The following PREX1 variants were observed in gnomAD, a reference collection of about 807,000 sequenced individuals.
PREX1 encodes phosphatidylinositol 3,4,5-trisphosphate-dependent Rac exchanger 1 protein.
PREX1 carries 41 observed loss-of-function variants against 198.3 expected under a neutral mutation model. The observed-to-expected ratio is 0.21, with a 90% CI of 0.16 to 0.27. The LOEUF is 0.27. Among genes scored for constraint, PREX1 ranks in the 10% least tolerant of loss-of-function variants. The pLI, the probability that PREX1 is intolerant of heterozygous loss-of-function variation, is 1.00. For missense variants in PREX1, 1,620 were observed against 2,200.7 expected, an observed-to-expected ratio of 0.74 and a Z score of 5.28; for synonymous variants, 843 against 887.2, an observed-to-expected ratio of 0.95 and a Z score of 0.89.
chr20:48,811,520 T>A lies in PREX1; in HGVS notation c.219+16122A>T, dbSNP rs867844062. Among the ~76,000 whole-genome samples the A allele has an allele frequency of 5.4e-3, 806 of 150,258 alleles. 4 individuals carry two copies. The highest frequency in any genetic ancestry group is 0.019 in the African/African-American group (781 of 40,524). ...TACGATCAATGACTTCTGACCAGAG[T>A]TGGATACACACACACACACACGTGT... On this transcript the variant is annotated intron_variant, in intron 1 of 39. Transcript: ENST00000371941.
At chr20:48,701,737 G>A (rs1224647354) in intron 6 of PREX1, among the ~76,000 whole-genome samples, 1 of 152,124 alleles carries the variant, frequency 6.6e-6, no homozygotes, top group Non-Finnish European at 1.5e-5. Flanking sequence ...AGGATCCTGT[G>A]GGCATTTCAT....
chr20:48,713,082 G>A (rs773238447), intron 5 of PREX1, among the ~76,000 whole-genome samples: 3 of 151,222 alleles, frequency 2.0e-5, no homozygotes, highest in Non-Finnish European at 2.9e-5. Flanking sequence ...CAAAGGTTGC[G>A]GTGAGCCAAG....
At chr20:48,647,621 G>T (rs1008222451) in intron 25 of PREX1, among the ~76,000 whole-genome samples, 3 of 151,648 alleles carry the variant, frequency 2.0e-5, no homozygotes, top group Admixed American at 2.0e-4. Flanking sequence ...TCCACAGTCA[G>T]TAGCATGATT....
At chr20:48,805,151 C>T (rs893921679) in intron 1 of PREX1, among the ~76,000 whole-genome samples, 3 of 152,168 alleles carry the variant, frequency 2.0e-5, no homozygotes, top group Non-Finnish European at 4.4e-5. Context: ...GGCTATGTGC[C>T]GGGGAGAAGA....
intron 7 of PREX1, among the ~76,000 whole-genome samples, chr20:48,695,648 A>C (rs1341890123): frequency 6.6e-6 from 1 of 152,220 alleles, no homozygotes; most frequent in African/African-American, 2.4e-5. Context: ...TTTAATTTGT[A>C]GTTCCCTGAT....
chr20:48,844,139 CA>C, the PREX1 span, among the ~76,000 whole-genome samples: 3 of 150,962 alleles, frequency 2.0e-5, no homozygotes, highest in African/African-American at 7.3e-5. Context: ...GACCCTGTCT[CA>C]AAAAAAAATC....
chr20:48,732,461 C>T (rs1198880275), intron 4 of PREX1, among the ~76,000 whole-genome samples: 2 of 152,130 alleles, frequency 1.3e-5, no homozygotes, highest in African/African-American at 4.8e-5. Flanking sequence ...CTTTTATATA[C>T]TGAATTCGGT....
At chr20:48,637,690 A>T in intron 31 of PREX1, 21 bp downstream of exon 31, 1 of 1,602,142 alleles carries the variant, frequency 6.2e-7, no homozygotes, top group Non-Finnish European at 8.5e-7. Flanking sequence ...TGTGCCCCCC[A>T]CACACCTTTA....
the PREX1 span, among the ~76,000 whole-genome samples, chr20:48,854,648 T>C: frequency 6.6e-6 from 1 of 152,156 alleles, no homozygotes; most frequent in Admixed American, 6.6e-5. Flanking sequence ...ATTAAACTCA[T>C]TGAATCTCCA....
In PREX1 at chr20:48,629,630, G is replaced by A. The variant is rs561745489; in HGVS notation, c.4594-9C>T. 2.5e-6 allele frequency: 4 copies of A among 1,613,130 alleles called. No individual in the cohort carries two copies. The East Asian group carries it at 8.9e-5, about 36-fold the overall frequency. On this transcript the variant is annotated splice_polypyrimidine_tract_variant and intron_variant, in intron 36 of 39. Coordinates refer to ENST00000371941, the MANE Select transcript of PREX1 (RefSeq NM_020820.4). ...TTGATGGGGCGGATCAGCTGTAGGG[G>A]GTACCACACATAACCGGGGAGTTGG...
rs571470504 is a variant in PREX1 at position 48,802,172 on chromosome 20, G to A, written c.219+25470C>T. ...CCGCCAAACCATCTACTTTCTTCAC[G>A]GTAGCCAGGTAGCCAGAGGGGTTCT... On this transcript the variant is annotated intron_variant, in intron 1 of 39. Transcript: ENST00000371941. Among the ~76,000 whole-genome samples the A allele has an allele frequency of 6.7e-5, 10 of 149,150 alleles. No homozygotes were observed. The South Asian group carries it at 8.5e-4, about 13-fold the overall frequency.
chr20:48,776,158 T>C (rs2090260292), intron 1 of PREX1, among the ~76,000 whole-genome samples: 1 of 152,022 alleles, frequency 6.6e-6, no homozygotes, highest in African/African-American at 2.4e-5. Flanking sequence ...TGAGGCTTAT[T>C]TTCCCCCTCT....
intron 33 of PREX1, 141 bp downstream of exon 33, chr20:48,634,535 T>C: frequency 1.5e-6 from 1 of 663,022 alleles, no homozygotes; most frequent in Middle Eastern, 4.3e-4. Context: ...GTTGGAGGCA[T>C]GAGGTTTGAC....
intron 1 of PREX1, among the ~76,000 whole-genome samples, chr20:48,807,337 C>T (rs2090416304): frequency 6.6e-6 from 1 of 152,048 alleles, no homozygotes; most frequent in Non-Finnish European, 1.5e-5. Context: ...TGGGGTCCTG[C>T]TCTACATTTC....
At chr20:48,783,571 G>A (rs1412031620) in intron 1 of PREX1, among the ~76,000 whole-genome samples, 1 of 152,096 alleles carries the variant, frequency 6.6e-6, no homozygotes, top group African/African-American at 2.4e-5. Flanking sequence ...CACAGGTGGG[G>A]GCTGGCACCC....
At chr20:48,728,297 C>A (rs186470159) in intron 4 of PREX1, among the ~76,000 whole-genome samples, 80 of 152,342 alleles carry the variant, frequency 5.3e-4, no homozygotes, top group Admixed American at 1.2e-3. Context: ...ACACGCTGTG[C>A]CTTGTGCTTC....
Position 48,792,630 on chromosome 20 carries a change from G to A in PREX1, c.219+35012C>T, listed in dbSNP as rs569298446. 1.9e-4 allele frequency among the ~76,000 whole-genome samples: 29 copies of A among 152,020 alleles called. No homozygotes were observed. In the South Asian group the frequency reaches 2.9e-3, roughly 15 times the overall value. ...AAAAACTATCTCCATACAAAAACTT[G>A]TACACTCATGTGCATAGCAGTATTA... On this transcript the variant is annotated intron_variant, in intron 1 of 39. Coordinates refer to ENST00000371941, the MANE Select transcript of PREX1 (RefSeq NM_020820.4).
At position 48,650,001 on chromosome 20, in the gene PREX1, T is replaced by C; in HGVS notation, c.3023A>G (p.Glu1008Gly). The change falls in exon 24 of 40, where the codon GAG becomes GGG. Residue 1008 changes from glutamate to glycine, a missense_variant. Coordinates refer to ENST00000371941, the MANE Select transcript of PREX1 (RefSeq NM_020820.4). ...TAATAGACACACACAGGTACCTTGCTCCGGGTCAAGGCCGATGAGGGAGGG... is the reference window on the plus strand; with the variant it reads ...TAATAGACACACACAGGTACCTTGCCCCGGGTCAAGGCCGATGAGGGAGGG... ...RKPSLIGLDP[E>G]QGHLNPMSYT... 4.3e-6 allele frequency: 7 copies of C among 1,613,950 alleles called. No homozygotes were observed. Among genetic ancestry groups the C allele is most frequent in the Middle Eastern group, 1.6e-4 (1 of 6,062 alleles).
intron 38 of PREX1, 41 bp downstream of exon 38, chr20:48,627,820 A>T (rs1303693599): frequency 6.4e-7 from 1 of 1,574,030 alleles, no homozygotes; most frequent in Non-Finnish European, 8.7e-7. Flanking sequence ...CCACGCCCTC[A>T]GCCCAGGGTG....
Sources: gnomAD v4.1 joint callset for allele counts (sites outside exome capture counted in the v4.1 genomes callset) on GRCh38, gnomAD v4.1.1 for gene constraint, MANE v1.5 for transcripts, NCBI Gene and HGNC (gene_info 2026-07-23, HGNC 2026-07-21) for gene names.